KLHL3: variants seen among roughly 807,000 people sequenced by gnomAD.
The protein encoded by KLHL3 is kelch-like protein 3.
Under a neutral mutation model 70.5 loss-of-function variants are expected in KLHL3, and 19 were observed. That is an observed-to-expected ratio of 0.27 (90% CI 0.19 to 0.40). The LOEUF (loss-of-function observed/expected upper bound fraction) is 0.40. Ranked by LOEUF, KLHL3 falls within the 10% of genes least tolerant of loss-of-function variation. The probability of loss-of-function intolerance (pLI) is 1.00; values close to 1 mark genes in which losing one functional copy is unlikely to be tolerated. For synonymous variants in KLHL3, 258 were observed against 290.3 expected (o/e 0.89, Z 1.13); for missense variants, 512 against 771.1 (o/e 0.66, Z 3.98).
intron 1 of KLHL3, chr5:137,720,962 G>C (rs1580786431): frequency 4.7e-6 from 4 of 857,904 alleles, no homozygotes; most frequent in Non-Finnish European, 5.7e-6. Flanking sequence ...ACTGCGTTTA[G>C]ATTTAAGGGA....
intron 2 of KLHL3, among the ~76,000 whole-genome samples, chr5:137,718,096 G>A (rs890041790): frequency 2.0e-5 from 3 of 152,210 alleles, no homozygotes; most frequent in Non-Finnish European, 4.4e-5. Context: ...TCAGAGAGGG[G>A]TACAGTATAT....
chr5:137,721,810 A>C (rs1753002593), intron 1 of KLHL3, among the ~76,000 whole-genome samples: 1 of 152,224 alleles, frequency 6.6e-6, no homozygotes, highest in African/African-American at 2.4e-5. Context: ...AGAAAGACAA[A>C]ATACTCAAAT....
intron 12 of KLHL3, among the ~76,000 whole-genome samples, chr5:137,633,327 A>G (rs1750688732): frequency 6.6e-6 from 1 of 151,254 alleles, no homozygotes; most frequent in Non-Finnish European, 1.5e-5. Context: ...AGACTTTAGC[A>G]TGGTTGCAGA....
chr5:137,688,279 G>T (rs1409378228), intron 5 of KLHL3, among the ~76,000 whole-genome samples: 1 of 152,044 alleles, frequency 6.6e-6, no homozygotes, highest in Non-Finnish European at 1.5e-5. Context: ...ACCACAGAAG[G>T]CCTGCATAAC....
At chr5:137,659,040 G>A (rs55932308) in intron 7 of KLHL3, among the ~76,000 whole-genome samples, 3,519 of 152,236 alleles carry the variant, frequency 0.023, 130 homozygotes, top group African/African-American at 0.08. Flanking sequence ...CCATTCTGGT[G>A]CTCTAACTCT....
At position 137,639,818 on chromosome 5, in the gene KLHL3, C is replaced by T. The variant is rs1163013283; in HGVS notation, c.1021+42G>A. On this transcript the variant is annotated intron_variant, in intron 9 of 14. Coordinates refer to ENST00000309755, the MANE Select transcript of KLHL3 (RefSeq NM_017415.3). The surrounding 1 kb of genome is among the most constrained non-coding windows in gnomAD (Gnocchi z 5.0). ...ACGACTTCTGGCACGGAGTGGGGAC[C>T]AGCAGGGGAAAAACAGCTTGCAGAA... 1 of 1,474,692 alleles carries T rather than the reference C, an allele frequency of 6.8e-7. No individual in the cohort carries two copies. Among genetic ancestry groups the T allele is most frequent in the Admixed American group, 1.7e-5 (1 of 59,760 alleles). The allele number at this position is 1,474,692 out of a possible 1,614,324, so 91.4% of individuals were successfully genotyped here.
intron 10 of KLHL3, 50 bp from the exon 11 acceptor site, chr5:137,637,445 G>A: frequency 6.5e-7 from 1 of 1,536,174 alleles, no homozygotes; most frequent in Middle Eastern, 1.7e-4. Flanking sequence ...GCCTCACCCT[G>A]CTGTGTGAGA....
chr5:137,732,731 T>A (rs1247534167), intron 1 of KLHL3, among the ~76,000 whole-genome samples: 2 of 152,280 alleles, frequency 1.3e-5, no homozygotes, highest in South Asian at 4.1e-4. Context: ...CCAATGATAA[T>A]AGCAACTACC....
intron 8 of KLHL3, among the ~76,000 whole-genome samples, chr5:137,645,613 C>T (rs997065394): frequency 1.3e-5 from 2 of 151,798 alleles, no homozygotes; most frequent in African/African-American, 4.8e-5. Flanking sequence ...GGTAAAAGAT[C>T]TCTACAATGA....
At chr5:137,682,660 T>A (rs1752060930) in intron 5 of KLHL3, among the ~76,000 whole-genome samples, 1 of 152,166 alleles carries the variant, frequency 6.6e-6, no homozygotes, top group Non-Finnish European at 1.5e-5. Context: ...ATAACAATCA[T>A]ATCCCTAATC....
intron 6 of KLHL3, 100 bp from the exon 7 acceptor site, chr5:137,662,131 TTA>T (rs1481622821): frequency 1.5e-6 from 1 of 650,060 alleles, no homozygotes; most frequent in Admixed American, 2.6e-5. Context: ...AGAGAAAAAG[TTA>T]TGAGTCATCC....
At chr5:137,684,724 T>A (rs984123383) in intron 5 of KLHL3, among the ~76,000 whole-genome samples, 4 of 152,164 alleles carry the variant, frequency 2.6e-5, no homozygotes, top group Non-Finnish European at 4.4e-5. Context: ...GATTAAGCAG[T>A]CCCTGGAAAC....
At chr5:137,650,386 C>T (rs1668316630) in intron 8 of KLHL3, among the ~76,000 whole-genome samples, 1 of 152,216 alleles carries the variant, frequency 6.6e-6, no homozygotes, top group African/African-American at 2.4e-5. Flanking sequence ...TGTCCTTTCA[C>T]AACTGTTTCC....
intron 5 of KLHL3, among the ~76,000 whole-genome samples, chr5:137,691,349 G>A (rs186012972): frequency 9.2e-5 from 14 of 152,342 alleles, no homozygotes; most frequent in African/African-American, 3.1e-4. Flanking sequence ...GGCTGCATGT[G>A]TATAAAGGGA....
At chr5:137,677,348 T>G (rs1751908896) in intron 6 of KLHL3, 197 bp downstream of exon 6, 2 of 431,466 alleles carry the variant, frequency 4.6e-6, no homozygotes, top group African/African-American at 4.1e-5. Context: ...CTCAGGAGGC[T>G]GAGGCAGGGG....
intron 1 of KLHL3, among the ~76,000 whole-genome samples, chr5:137,734,777 A>G (rs1327007261): frequency 6.6e-6 from 1 of 152,158 alleles, no homozygotes; most frequent in Non-Finnish European, 1.5e-5. Context: ...AAGAATGAAG[A>G]GGTTGGCACT....
intron 13 of KLHL3, 199 bp downstream of exon 13, chr5:137,628,098 G>T: frequency 1.7e-6 from 1 of 605,086 alleles, no homozygotes; most frequent in Non-Finnish European, 2.9e-6. Context: ...CATCTAGGTT[G>T]CAGGATCTGC....
chr5:137,662,407 C>G (rs930685445), intron 6 of KLHL3, among the ~76,000 whole-genome samples: 2 of 152,140 alleles, frequency 1.3e-5, no homozygotes, highest in African/African-American at 4.8e-5. Flanking sequence ...TTTATAGAGG[C>G]TGCTCAGGAA....
At chr5:137,727,520 A>G (rs77588428) in intron 1 of KLHL3, among the ~76,000 whole-genome samples, 1,699 of 152,256 alleles carry the variant, frequency 0.011, 33 homozygotes, top group African/African-American at 0.039. Context: ...GTTGCCCTGA[A>G]GACTTCTTAT....
Sources: gnomAD v4.1 joint callset for allele counts (sites outside exome capture counted in the v4.1 genomes callset) on GRCh38, gnomAD v4.1.1 for gene constraint, Gnocchi (gnomAD v3.1) non-coding constraint, MANE v1.5 for transcripts, NCBI Gene and HGNC (gene_info 2026-07-23, HGNC 2026-07-21) for gene names.